The following ABAT variants were observed in gnomAD, a reference collection of about 807,000 sequenced individuals.
ABAT encodes the protein 4-aminobutyrate aminotransferase, mitochondrial.
ABAT carries 45 observed loss-of-function variants against 64.6 expected under a neutral mutation model. The observed-to-expected ratio is 0.70, with a 90% confidence interval of 0.55 to 0.89. The LOEUF (loss-of-function observed/expected upper bound fraction) is 0.89. Ranked by LOEUF, ABAT falls within the 40% of genes least tolerant of loss-of-function variation. ABAT has a pLI of 0.00. For synonymous variants in ABAT, 297 were observed against 250.5 expected (o/e 1.19, Z -1.75); for missense variants, 633 against 658.4 (o/e 0.96, Z 0.42).
chr16:8,723,117 C>T (rs1481875193), intron 1 of ABAT, among the ~76,000 whole-genome samples: 2 of 152,140 alleles, frequency 1.3e-5, no homozygotes, highest in Non-Finnish European at 2.9e-5. Context: ...CCTGTAATCC[C>T]AGCTGCTCAG....
At chr16:8,675,275 C>T (rs1641105) in intron 1 of ABAT, among the ~76,000 whole-genome samples, 19,871 of 152,062 alleles carry the variant, frequency 0.13, 1,437 homozygotes, top group Middle Eastern at 0.2. Flanking sequence ...TTAGCCCTGC[C>T]GGAGACCCCT....
intron 1 of ABAT, among the ~76,000 whole-genome samples, chr16:8,699,968 C>G (rs1046605148): frequency 2.0e-5 from 3 of 150,446 alleles, no homozygotes; most frequent in African/African-American, 7.5e-5. Flanking sequence ...CGTGTGCCAC[C>G]TGGCTAATTT....
chr16:8,754,690 C>CTTTCTT (rs1252881090), intron 5 of ABAT, among the ~76,000 whole-genome samples: 1 of 60,440 alleles, frequency 1.7e-5, no homozygotes, highest in Non-Finnish European at 3.5e-5. Flanking sequence ...TTCTTTCTTT[C>CTTTCTT]TTTCTTTCTT....
chr16:8,759,574 G>T (rs183187644), intron 6 of ABAT, among the ~76,000 whole-genome samples: 2 of 152,254 alleles, frequency 1.3e-5, no homozygotes, highest in East Asian at 1.9e-4. Context: ...GTGCAGGGGT[G>T]CAATCATGGC....
intron 2 of ABAT, among the ~76,000 whole-genome samples, chr16:8,743,439 A>ATATATATATATATATATATG (rs2059229462): frequency 2.3e-5 from 2 of 88,826 alleles, no homozygotes; most frequent in African/African-American, 7.6e-5. Context: ...ATATATATAT[A>ATATATATATATATATATATG]TATATACACA....
chr16:8,699,876 C>T (rs771045445), intron 1 of ABAT, among the ~76,000 whole-genome samples: 3 of 151,994 alleles, frequency 2.0e-5, no homozygotes, highest in Non-Finnish European at 4.4e-5. Context: ...TGCAGTGGCA[C>T]GATCACGGCT....
At chr16:8,729,169 G>A (rs554852956) in intron 1 of ABAT, among the ~76,000 whole-genome samples, 97 of 151,136 alleles carry the variant, frequency 6.4e-4, no homozygotes, top group Admixed American at 2.8e-3. Flanking sequence ...TTAGCTGGGC[G>A]TGGCGGCGTT....
chr16:8,773,788 G>T (rs1489711887), intron 12 of ABAT, among the ~76,000 whole-genome samples: 3 of 152,188 alleles, frequency 2.0e-5, no homozygotes, highest in Non-Finnish European at 4.4e-5. Flanking sequence ...GTTCCCACCT[G>T]AGTGAGAACA....
rs2059878212 is a variant in ABAT, at chr16:8,764,201, G to A, written c.447+52G>A. ...GTCTTCAGACGTGGTACTGGCAGGG[G>A]AAGGGAAAAGTGGAGACGCCAACAA... is the stretch of plus-strand genomic sequence containing the variant. On this transcript the variant is annotated intron_variant, in intron 7 of 15. Transcript: ENST00000268251. This position sits in a 1 kb window ranked among gnomAD's most constrained non-coding sequence, Gnocchi z 4.2. The A allele has an allele frequency of 2.7e-6, 4 of 1,482,194 alleles. No individual in the cohort carries two copies. Among genetic ancestry groups the A allele is most frequent in the South Asian group, 1.1e-5 (1 of 88,312 alleles). The allele number at this position is 1,482,194 out of a possible 1,614,324, so 91.8% of individuals were successfully genotyped here. A position where few individuals can be genotyped will look rare whatever the true frequency, so the allele number is the denominator to read the frequency against.
intron 1 of ABAT, among the ~76,000 whole-genome samples, chr16:8,704,088 T>A (rs2057886655): frequency 6.6e-6 from 1 of 152,204 alleles, no homozygotes; most frequent in Admixed American, 6.5e-5. Flanking sequence ...TCGAGAAGTT[T>A]CCCTTTGTGT....
chr16:8,768,288 C>T (rs769070363), intron 10 of ABAT, 32 bp downstream of exon 10: 8 of 1,607,080 alleles, frequency 5.0e-6, no homozygotes, highest in African/African-American at 4.0e-5. Flanking sequence ...CCCAAGGTGG[C>T]GTTTAGAATA....
chr16:8,710,825 C>T (rs2058055509), intron 1 of ABAT, among the ~76,000 whole-genome samples: 1 of 152,088 alleles, frequency 6.6e-6, no homozygotes, highest in South Asian at 2.1e-4. Flanking sequence ...ACTTTCCAAG[C>T]CTCCAAAGTT....
intron 5 of ABAT, among the ~76,000 whole-genome samples, chr16:8,752,496 C>T (rs73499589): frequency 0.019 from 2,887 of 152,268 alleles, 87 homozygotes; most frequent in African/African-American, 0.066. Context: ...CGGTGGAGCA[C>T]GCTGATAATC....
intron 1 of ABAT, among the ~76,000 whole-genome samples, chr16:8,697,644 T>TC (rs2057733447): frequency 6.6e-6 from 1 of 151,204 alleles, no homozygotes; most frequent in East Asian, 1.9e-4. Flanking sequence ...GTTTTTTGGT[T>TC]TTTTTTTTGG....
intron 1 of ABAT, among the ~76,000 whole-genome samples, chr16:8,723,885 G>C (rs539655135): frequency 7.5e-6 from 1 of 132,734 alleles, no homozygotes; most frequent in South Asian, 2.5e-4. Flanking sequence ...CTGTCGCCCA[G>C]GCTGGAGTGC....
intron 6 of ABAT, among the ~76,000 whole-genome samples, chr16:8,758,659 T>C (rs909680202): frequency 1.3e-5 from 2 of 152,060 alleles, no homozygotes; most frequent in Admixed American, 6.6e-5. Flanking sequence ...CAGTAGCAAC[T>C]CTCTCCTGAG....
At chr16:8,709,170 G>A (rs954945276) in intron 1 of ABAT, among the ~76,000 whole-genome samples, 5 of 152,118 alleles carry the variant, frequency 3.3e-5, no homozygotes, top group Admixed American at 6.5e-5. Flanking sequence ...TTGAGGACAC[G>A]TCAGGTTAAA....
chr16:8,742,834 C>A (rs973968961), intron 2 of ABAT, among the ~76,000 whole-genome samples: 9 of 147,834 alleles, frequency 6.1e-5, no homozygotes, highest in African/African-American at 1.5e-4. Flanking sequence ...CCACTGCATT[C>A]CGGCTTGGGC....
In ABAT at chr16:8,768,376, AC is replaced by A. The variant is rs1438824345; in HGVS notation, c.667+121del. 20 of 19,720 alleles carry A rather than the reference AC, an allele frequency of 1.0e-3. No homozygotes were observed. In the African/African-American group the frequency reaches 0.013, roughly 13 times the overall value. 1.2% of individuals were successfully genotyped at this position (19,720 alleles called of 1,614,324 possible). The stretch of plus-strand genomic sequence containing the variant: ...TGTCCCACTGATTGCACACAATCCC[AC>A]TGCAGAGTGGGGATTATTATTCCTG... On this transcript the variant is annotated intron_variant, in intron 10 of 15. Transcript: ENST00000268251.
Sources: gnomAD v4.1 joint callset for allele counts (sites outside exome capture counted in the v4.1 genomes callset) on GRCh38, gnomAD v4.1.1 for gene constraint, Gnocchi (gnomAD v3.1) non-coding constraint, MANE v1.5 for transcripts, NCBI Gene and HGNC (gene_info 2026-07-23, HGNC 2026-07-21) for gene names.